The following UGT1A10 variants were observed in gnomAD, a reference collection of about 807,000 sequenced individuals.
UGT1A10 encodes UDP-glucuronosyltransferase 1A10.
Under a neutral mutation model 45.8 loss-of-function variants are expected in UGT1A10, and 49 were observed. The ratio of observed to expected loss-of-function variants is 1.07; its 90% CI spans 0.85 to 1.36. UGT1A10 has a LOEUF of 1.36. Among genes scored for constraint, UGT1A10 ranks in the 40% most tolerant of loss-of-function variants. The pLI is 0.00. For missense variants in UGT1A10, 745 were observed against 668.6 expected, an observed-to-expected ratio of 1.11 and a Z score of -1.26; for synonymous variants, 284 against 249.7, an observed-to-expected ratio of 1.14 and a Z score of -1.29.
intron 1 of UGT1A10, among the ~76,000 whole-genome samples, chr2:233,726,595 T>C (rs6715325): frequency 0.46 from 69,783 of 152,034 alleles, 16,487 homozygotes; most frequent in South Asian, 0.58. Flanking sequence ...TAAGAGCCCT[T>C]GTGATTACAC....
intron 1 of UGT1A10, among the ~76,000 whole-genome samples, chr2:233,686,927 C>A (rs1301208091): frequency 1.3e-5 from 2 of 152,204 alleles, no homozygotes; most frequent in African/African-American, 4.8e-5. Flanking sequence ...ATCCCACTGG[C>A]TGACTCATGC....
rs1236421933 is a variant in UGT1A10, at chr2:233,745,346, T to TG, written c.856-21683dup. 2.2e-4 allele frequency among the ~76,000 whole-genome samples: 34 copies of TG among 151,966 alleles called. 1 individual carries two copies. The highest frequency in any genetic ancestry group is 8.2e-4 in the African/African-American group (34 of 41,256). ...ACTGCTATATCATGACCATGAATTT[T>TG]GGGGGAATTTTTTTGAGATCTGAGT... is the stretch of plus-strand genomic sequence containing the variant. On this transcript the variant is annotated intron_variant, in intron 1 of 4. Coordinates refer to ENST00000344644, the MANE Select transcript of UGT1A10 (RefSeq NM_019075.4).
chr2:233,724,687 C>A (rs1436694344), intron 1 of UGT1A10, among the ~76,000 whole-genome samples: 2 of 144,326 alleles, frequency 1.4e-5, no homozygotes, highest in African/African-American at 2.6e-5. Context: ...GGATGGCGGC[C>A]GGGTGAAGAC....
At chr2:233,693,700 C>A in intron 1 of UGT1A10, 1 of 1,614,174 alleles carries the variant, frequency 6.2e-7, no homozygotes, top group Non-Finnish European at 8.5e-7. Context: ...ATGAAGAACT[C>A]GCATCAGCTG....
intron 1 of UGT1A10, among the ~76,000 whole-genome samples, chr2:233,753,929 G>A (rs147100101): frequency 1.3e-5 from 2 of 152,234 alleles, no homozygotes; most frequent in African/African-American, 4.8e-5. Context: ...CAGTGATATG[G>A]GATTCAAATG....
chr2:233,753,256 C>T (rs1695165978), intron 1 of UGT1A10: 1 of 152,214 alleles, frequency 6.6e-6, no homozygotes, highest in African/African-American at 2.4e-5. Flanking sequence ...AGCAACTACC[C>T]AGGCACCTTG....
rs139110841 is a variant in UGT1A10, at chr2:233,729,282, T to C, written c.856-37752T>C. 648 of 1,614,246 alleles carry C rather than the reference T, an allele frequency of 4.0e-4. 1 individual carries two copies. In the Middle Eastern group the frequency reaches 4.5e-3, roughly 11 times the overall value. ...TGCGGGAGGTCTTGCGGGAGCTCCA[T>C]GCCAGAGGCCACCAGGCAGTGGTCC... On this transcript the variant is annotated intron_variant, in intron 1 of 4. Transcript: ENST00000344644.
chr2:233,637,855 A>T (rs1299214166), intron 1 of UGT1A10, among the ~76,000 whole-genome samples: 1 of 152,208 alleles, frequency 6.6e-6, no homozygotes, highest in African/African-American at 2.4e-5. Flanking sequence ...TTCACTTGCC[A>T]ATAAATTATG....
intron 1 of UGT1A10, chr2:233,748,051 A>C: frequency 6.2e-7 from 1 of 1,613,438 alleles, no homozygotes. Context: ...GGGGGCATCA[A>C]CTGTGCCAAC....
intron 1 of UGT1A10, among the ~76,000 whole-genome samples, chr2:233,675,785 T>G (rs1389957928): frequency 6.6e-6 from 1 of 152,194 alleles, no homozygotes; most frequent in Non-Finnish European, 1.5e-5. Flanking sequence ...TAAAAATAAA[T>G]TTGTATGTTT....
chr2:233,744,011 C>G, intron 1 of UGT1A10: 1 of 1,116,884 alleles, frequency 9.0e-7, no homozygotes, highest in South Asian at 1.5e-5. Flanking sequence ...AGACCTGGGC[C>G]GCCTGGAGAG....
At chr2:233,720,365 G>T (rs920594093) in intron 1 of UGT1A10, among the ~76,000 whole-genome samples, 1 of 152,064 alleles carries the variant, frequency 6.6e-6, no homozygotes, top group Non-Finnish European at 1.5e-5. Flanking sequence ...ATGTCAAAAG[G>T]GTCTTCTACT....
intron 1 of UGT1A10, chr2:233,713,048 C>T (rs2076273385): frequency 6.2e-7 from 1 of 1,614,080 alleles, no homozygotes; most frequent in Admixed American, 1.7e-5. Flanking sequence ...TGCTGCTTCT[C>T]CTCAGTGTCC....
chr2:233,682,728 C>A (rs1221106268), intron 1 of UGT1A10: 2 of 1,613,700 alleles, frequency 1.2e-6, no homozygotes, highest in African/African-American at 2.7e-5. Flanking sequence ...TATCCCAAAC[C>A]CGTGATGCCC....
In UGT1A10 at chr2:233,769,245, A is replaced by G. The variant is rs1485950559; in HGVS notation, c.1295+806A>G. 6.6e-6 allele frequency among the ~76,000 whole-genome samples: 1 copy of G among 152,268 alleles called. No homozygotes were observed. The highest frequency in any genetic ancestry group is 2.4e-5 in the African/African-American group (1 of 41,474). The stretch of plus-strand genomic sequence containing the variant: ...ATAAGAGCAAAGGAAAATTTGCTCA[A>G]ATGTGGCCCTGAAAACGATTCAAAG... On this transcript the variant is annotated intron_variant, in intron 4 of 4. Transcript: ENST00000344644. The surrounding 1 kb of genome is among the most constrained non-coding windows in gnomAD (Gnocchi z 4.4).
At chr2:233,754,354 C>G in intron 1 of UGT1A10, 1 of 263,180 alleles carries the variant, frequency 3.8e-6, no homozygotes, top group Admixed American at 5.0e-5. Flanking sequence ...AAATTGCATA[C>G]AGATATTTAC....
intron 1 of UGT1A10, among the ~76,000 whole-genome samples, chr2:233,655,836 A>G (rs1356241662): frequency 2.0e-5 from 3 of 152,218 alleles, no homozygotes; most frequent in Non-Finnish European, 1.5e-5. Context: ...TTAGTTAAGT[A>G]TCAGTTCCCC....
At chr2:233,655,359 G>A (rs1026962388) in intron 1 of UGT1A10, among the ~76,000 whole-genome samples, 5 of 152,100 alleles carry the variant, frequency 3.3e-5, no homozygotes, top group East Asian at 1.9e-4. Context: ...GAAGTCTCAC[G>A]TCCTGGGAGA....
intron 1 of UGT1A10, among the ~76,000 whole-genome samples, chr2:233,704,256 CTT>C (rs59925871): frequency 4.9e-4 from 60 of 123,596 alleles, no homozygotes; most frequent in Non-Finnish European, 7.4e-4. Flanking sequence ...GCCTTTATTG[CTT>C]TTTTTTTTTT....
Sources: allele counts gnomAD v4.1 joint callset (sites outside exome capture counted in the v4.1 genomes callset), GRCh38; gene constraint gnomAD v4.1.1; non-coding constraint Gnocchi (gnomAD v3.1); transcripts MANE v1.5; gene names NCBI Gene and HGNC (gene_info 2026-07-23, HGNC 2026-07-21).